The following PPM1L variants were observed in gnomAD, a reference collection of about 807,000 sequenced individuals.
PPM1L encodes protein phosphatase 1L.
PPM1L carries 13 observed loss-of-function variants against 31.4 expected under a neutral mutation model. The observed-to-expected ratio is 0.41, with a 90% CI of 0.27 to 0.66. PPM1L has a LOEUF of 0.66. Among genes scored for constraint, PPM1L ranks in the 30% least tolerant of loss-of-function variants. PPM1L has a pLI of 0.29. For synonymous variants in PPM1L, 184 were observed against 175.4 expected (o/e 1.05, Z -0.39); for missense variants, 326 against 453.7 (o/e 0.72, Z 2.56).
At chr3:160,772,114 G>C (rs1486202989) in intron 1 of PPM1L, among the ~76,000 whole-genome samples, 1 of 152,112 alleles carries the variant, frequency 6.6e-6, no homozygotes, top group South Asian at 2.1e-4. Context: ...ACATGTAGGG[G>C]GACCTGAGTG....
Position 160,769,897 on chromosome 3 carries a change from C to T in PPM1L, c.399+13190C>T, listed in dbSNP as rs745305885. 3.9e-5 allele frequency among the ~76,000 whole-genome samples: 6 copies of T among 152,236 alleles called. No homozygotes were observed. The South Asian group carries it at 6.2e-4, about 16-fold the overall frequency. On this transcript the variant is annotated intron_variant, in intron 1 of 3. Coordinates refer to ENST00000498165, the MANE Select transcript of PPM1L (RefSeq NM_139245.4). ...TACCCATTTCGGAGGGGGACAACCT[C>T]GCAATGGTCTAGGCTACAGTGAGAA... is the stretch of plus-strand genomic sequence containing the variant.
intron 1 of PPM1L, among the ~76,000 whole-genome samples, chr3:160,930,300 C>T (rs1174759725): frequency 6.6e-6 from 1 of 151,584 alleles, no homozygotes; most frequent in Non-Finnish European, 1.5e-5. Flanking sequence ...TGAAGTGCTA[C>T]ACAAATGTGG....
intron 1 of PPM1L, among the ~76,000 whole-genome samples, chr3:160,874,560 A>G (rs1712441611): frequency 6.6e-6 from 1 of 152,214 alleles, no homozygotes; most frequent in South Asian, 2.1e-4. Context: ...CTTTCCAAAA[A>G]TTGTACCACC....
intron 2 of PPM1L, among the ~76,000 whole-genome samples, chr3:161,007,170 C>G (rs879554414): frequency 2.0e-5 from 3 of 152,126 alleles, no homozygotes; most frequent in Admixed American, 2.0e-4. Flanking sequence ...ATGGAGGGGG[C>G]ACATTAAACA....
intron 1 of PPM1L, among the ~76,000 whole-genome samples, chr3:160,867,425 A>G (rs538337429): frequency 8.7e-5 from 13 of 148,824 alleles, no homozygotes; most frequent in African/African-American, 3.2e-4. Context: ...CTAAGTGTTC[A>G]TCTGGGTTCT....
chr3:160,818,716 A>T (rs1257454055), intron 1 of PPM1L, among the ~76,000 whole-genome samples: 3 of 151,670 alleles, frequency 2.0e-5, no homozygotes, highest in Non-Finnish European at 4.4e-5. Context: ...TTTAGTTTTT[A>T]TTAACACATA....
intron 1 of PPM1L, among the ~76,000 whole-genome samples, chr3:160,811,474 C>G (rs1031097057): frequency 2.0e-5 from 3 of 152,180 alleles, no homozygotes; most frequent in African/African-American, 7.2e-5. Flanking sequence ...TAAGAGAAAA[C>G]AAAAATGAAT....
chr3:160,986,314 G>C (rs1452895977), intron 2 of PPM1L, among the ~76,000 whole-genome samples: 2 of 152,212 alleles, frequency 1.3e-5, no homozygotes, highest in African/African-American at 4.8e-5. Flanking sequence ...GGAAATGGCA[G>C]TGATTGCAGA....
chr3:160,991,502 A>T (rs537020684), intron 2 of PPM1L, among the ~76,000 whole-genome samples: 6 of 152,180 alleles, frequency 3.9e-5, no homozygotes, highest in Non-Finnish European at 8.8e-5. Context: ...AAACCTAAAT[A>T]CCATGCTAAG....
At chr3:160,848,873 T>C (rs182721065) in intron 1 of PPM1L, among the ~76,000 whole-genome samples, 27 of 152,370 alleles carry the variant, frequency 1.8e-4, no homozygotes, top group Admixed American at 1.8e-3. Flanking sequence ...GCTGGAAATC[T>C]GGCAGTCCTC....
intron 1 of PPM1L, among the ~76,000 whole-genome samples, chr3:160,762,563 T>C (rs1473960192): frequency 6.6e-6 from 1 of 152,166 alleles, no homozygotes; most frequent in Non-Finnish European, 1.5e-5. Flanking sequence ...ATGAGCTTTT[T>C]TTAAAAAAAA....
intron 1 of PPM1L, among the ~76,000 whole-genome samples, chr3:160,836,944 A>G (rs894088087): frequency 1.3e-5 from 2 of 152,198 alleles, no homozygotes; most frequent in African/African-American, 4.8e-5. Context: ...AAAGGCACAA[A>G]TGCCTATTTC....
chr3:160,895,643 T>C (rs1030727246), intron 1 of PPM1L, among the ~76,000 whole-genome samples: 1 of 152,226 alleles, frequency 6.6e-6, no homozygotes, highest in African/African-American at 2.4e-5. Flanking sequence ...CTGAGAAATT[T>C]ATAAAGGAGT....
intron 1 of PPM1L, among the ~76,000 whole-genome samples, chr3:160,790,249 A>G (rs1166185740): frequency 6.6e-6 from 1 of 152,048 alleles, no homozygotes; most frequent in Non-Finnish European, 1.5e-5. Flanking sequence ...CTGATAAATG[A>G]TTTGTTTATT....
At chr3:161,062,218 C>T (rs1719594638) in intron 2 of PPM1L, among the ~76,000 whole-genome samples, 1 of 152,100 alleles carries the variant, frequency 6.6e-6, no homozygotes, top group Non-Finnish European at 1.5e-5. Flanking sequence ...CCCAGTTTCT[C>T]CCATCTAGAT....
At chr3:160,777,473 T>C (rs1032099569) in intron 1 of PPM1L, among the ~76,000 whole-genome samples, 1 of 152,198 alleles carries the variant, frequency 6.6e-6, no homozygotes, top group Non-Finnish European at 1.5e-5. Context: ...CTAGAAGTTT[T>C]TTATCTGGGA....
At chr3:161,016,776 C>T (rs1322696706) in intron 2 of PPM1L, among the ~76,000 whole-genome samples, 1 of 152,146 alleles carries the variant, frequency 6.6e-6, no homozygotes, top group Non-Finnish European at 1.5e-5. Context: ...TTTCCTAATT[C>T]TCAATTTTAT....
chr3:160,894,041 A>G lies in PPM1L; in HGVS notation c.400-67695A>G, dbSNP rs565466327. Among the ~76,000 whole-genome samples, 7 of 152,246 alleles carry G rather than the reference A, an allele frequency of 4.6e-5. No individual in the cohort carries two copies. In the South Asian group the frequency reaches 1.2e-3, roughly 27 times the overall value. On this transcript the variant is annotated intron_variant, in intron 1 of 3. Transcript: ENST00000498165. ...CATTTAAGGTAGGCTAGGCTAGACTATGTTGTTCAGTAGGTTAGGTATATT... is the reference window on the plus strand; with the variant it reads ...CATTTAAGGTAGGCTAGGCTAGACTGTGTTGTTCAGTAGGTTAGGTATATT...
At chr3:161,041,014 G>A (rs777700464) in intron 2 of PPM1L, among the ~76,000 whole-genome samples, 1 of 152,172 alleles carries the variant, frequency 6.6e-6, no homozygotes, top group Non-Finnish European at 1.5e-5. Flanking sequence ...TTACCTAAGA[G>A]TCTAGCACCT....
Sources: gnomAD v4.1 joint callset for allele counts (sites outside exome capture counted in the v4.1 genomes callset) on GRCh38, gnomAD v4.1.1 for gene constraint, MANE v1.5 for transcripts, NCBI Gene and HGNC (gene_info 2026-07-23, HGNC 2026-07-21) for gene names.